Variants in CRLF3 observed in about 807,000 individuals in gnomAD.
CRLF3 encodes cytokine receptor-like factor 3.
CRLF3 carries 33 observed loss-of-function variants against 55.0 expected under a neutral mutation model. That is an observed-to-expected ratio of 0.60 (90% CI 0.46 to 0.80). The LOEUF (loss-of-function observed/expected upper bound fraction) is 0.80. Among genes scored for constraint, CRLF3 ranks in the 30% least tolerant of loss-of-function variants. CRLF3 has a pLI of 0.00. For synonymous variants in CRLF3, 238 were observed against 196.8 expected, an observed-to-expected ratio of 1.21 and a Z score of -1.75; for missense variants, 494 against 538.4, an observed-to-expected ratio of 0.92 and a Z score of 0.82.
chr17:30,810,752 C>G (rs1904588195), intron 1 of CRLF3, among the ~76,000 whole-genome samples: 1 of 152,114 alleles, frequency 6.6e-6, no homozygotes. Context: ...TCACAACCCT[C>G]CAAAACAACA....
At chr17:30,792,380 A>G (rs533239298) in intron 6 of CRLF3, 60 bp downstream of exon 6, 122 of 1,486,190 alleles carry the variant, frequency 8.2e-5, no homozygotes, top group Non-Finnish European at 1.1e-4. Flanking sequence ...AAGCTTATGT[A>G]TGCTCTATGC....
At chr17:30,799,629 C>T (rs1321776196) in intron 2 of CRLF3, among the ~76,000 whole-genome samples, 2 of 151,826 alleles carry the variant, frequency 1.3e-5, no homozygotes, top group Non-Finnish European at 1.5e-5. Flanking sequence ...CTCAGCCTCC[C>T]GAGTAGCTAG....
intron 1 of CRLF3, among the ~76,000 whole-genome samples, chr17:30,807,171 C>A (rs968960567): frequency 7.2e-5 from 11 of 152,068 alleles, no homozygotes; most frequent in African/African-American, 2.7e-4. Flanking sequence ...ACATACTTTG[C>A]TTTCTAGATA....
chr17:30,785,793 A>G (rs1301753169), intron 7 of CRLF3, 126 bp downstream of exon 7: 16 of 581,774 alleles, frequency 2.8e-5, no homozygotes, highest in East Asian at 1.2e-4. Flanking sequence ...AAAAAAAAAA[A>G]AAAGAAAAAG....
chr17:30,792,903 TC>T (rs1971839014), intron 5 of CRLF3: 1 of 155,886 alleles, frequency 6.4e-6, no homozygotes, highest in Non-Finnish European at 1.4e-5. Context: ...ACGCCTGTAA[TC>T]CCAGCACTTT....
At chr17:30,821,455 AC>A (rs1904996789) in intron 1 of CRLF3, among the ~76,000 whole-genome samples, 1 of 152,222 alleles carries the variant, frequency 6.6e-6, no homozygotes. Flanking sequence ...ACAACTGAAA[AC>A]ATGTCCACAC....
chr17:30,788,387 C>A (rs888497351), intron 6 of CRLF3, among the ~76,000 whole-genome samples: 1 of 144,908 alleles, frequency 6.9e-6, no homozygotes, highest in Non-Finnish European at 1.5e-5. Flanking sequence ...ATCAGAAAAT[C>A]TTAGAAGCAA....
Position 30,784,652 on chromosome 17 carries a change from A to C in CRLF3, c.1073-209T>G, listed in dbSNP as rs998904024. 5 of 460,352 alleles carry C rather than the reference A, an allele frequency of 1.1e-5. No individual in the cohort carries two copies. The East Asian group carries it at 1.7e-4, about 15-fold the overall frequency. 28.5% of individuals were successfully genotyped at this position (460,352 alleles called of 1,614,324 possible). ...TTCCCATATCAGTGTCATCAAAAGA[A>C]ACTTGACAGTGTTACAAAATTACCT... is the stretch of plus-strand genomic sequence containing the variant. On this transcript the variant is annotated intron_variant, in intron 7 of 7. Coordinates refer to ENST00000324238, the MANE Select transcript of CRLF3 (RefSeq NM_015986.4).
intron 1 of CRLF3, among the ~76,000 whole-genome samples, 164 bp from the exon 2 acceptor site, chr17:30,804,272 A>C (rs1972052002): frequency 6.6e-6 from 1 of 151,984 alleles, no homozygotes; most frequent in Non-Finnish European, 1.5e-5. Flanking sequence ...TGATACACAT[A>C]TACATAGTGA....
At chr17:30,786,630 C>A (rs948336112) in intron 6 of CRLF3, 1 of 152,174 alleles carries the variant, frequency 6.6e-6, no homozygotes, top group Non-Finnish European at 1.5e-5. Context: ...AACCTGATCC[C>A]GACTACCTGG....
chr17:30,790,005 CCTCT>C (rs780879066), intron 6 of CRLF3, among the ~76,000 whole-genome samples: 25 of 148,072 alleles, frequency 1.7e-4, no homozygotes, highest in African/African-American at 4.2e-4. Context: ...TTTTTTTTTT[CCTCT>C]CTCTCTCTTT....
At chr17:30,820,702 G>C (rs1048586642) in intron 1 of CRLF3, among the ~76,000 whole-genome samples, 1 of 151,644 alleles carries the variant, frequency 6.6e-6, no homozygotes, top group Admixed American at 6.6e-5. Flanking sequence ...TGAGGCAGGA[G>C]AATCTCTTGA....
Position 30,824,607 on chromosome 17 carries a change from C to T in CRLF3, c.45G>A (p.Glu15=). The T allele has an allele frequency of 1.9e-6, 3 of 1,605,724 alleles. No individual in the cohort carries two copies. Among genetic ancestry groups the T allele is most frequent in the Non-Finnish European group, 2.5e-6 (3 of 1,179,230 alleles). Residue 15 remains glutamate, a synonymous_variant, in exon 1 of 8, where the codon GAG becomes GAA. Transcript: ENST00000324238. Reference sequence around the variant, plus strand: ...GCGCTGCCTCCACGTTCTCGCGGGCCTCCTGCAACAGCAGCTCAGGCTCCA... The same window carrying T: ...GCGCTGCCTCCACGTTCTCGCGGGCTTCCTGCAACAGCAGCTCAGGCTCCA... ...MELEPELLLQ[E]ARENVEAAQS...
chr17:30,784,366 T>A lies in CRLF3; in HGVS notation c.1150A>T (p.Ile384Phe), dbSNP rs1272348742. The change falls in exon 8 of 8, where the codon ATT becomes TTT. Residue 384 changes from isoleucine (I) to phenylalanine (F), a missense_variant. Transcript: ENST00000324238. ...VTSGSTVTFDIEAVTLGTTSN... is the reference protein window; with the variant it reads ...VTSGSTVTFDFEAVTLGTTSN... ...GTGGTTCCTAGAGTCACGGCTTCAA[T>A]GTCAAACGTGACAGTGGACCCAGAA... is the stretch of plus-strand genomic sequence containing the variant. The A allele has an allele frequency of 6.2e-7, 1 of 1,613,978 alleles. No homozygotes were observed. The highest frequency in any genetic ancestry group is 8.5e-7 in the Non-Finnish European group (1 of 1,179,928).
chr17:30,793,116 G>T (rs573102167), intron 5 of CRLF3, among the ~76,000 whole-genome samples: 1 of 151,506 alleles, frequency 6.6e-6, no homozygotes, highest in Non-Finnish European at 1.5e-5. Flanking sequence ...CAGCCTGGGC[G>T]ACAGAGTGAG....
intron 6 of CRLF3, 188 bp downstream of exon 6, chr17:30,792,252 T>G: frequency 2.0e-6 from 1 of 506,694 alleles, no homozygotes; most frequent in Non-Finnish European, 3.6e-6. Flanking sequence ...TCCCAGTTAA[T>G]CTACGTAATA....
intron 1 of CRLF3, among the ~76,000 whole-genome samples, chr17:30,815,687 G>A (rs2142272373): frequency 6.8e-6 from 1 of 147,498 alleles, no homozygotes; most frequent in African/African-American, 2.5e-5. Flanking sequence ...GGCATTACAG[G>A]CGCACCACCA....
chr17:30,806,437 A>G (rs946432987), intron 1 of CRLF3, among the ~76,000 whole-genome samples: 1 of 152,136 alleles, frequency 6.6e-6, no homozygotes, highest in African/African-American at 2.4e-5. Context: ...TCCCAGACCT[A>G]CTGAACCAGA....
chr17:30,819,356 T>G (rs1904917115), intron 1 of CRLF3, among the ~76,000 whole-genome samples: 1 of 152,180 alleles, frequency 6.6e-6, no homozygotes, highest in Non-Finnish European at 1.5e-5. Context: ...AGATGAAGTT[T>G]TTGGACTTAC....
Sources: gnomAD v4.1 joint callset for allele counts (sites outside exome capture counted in the v4.1 genomes callset) on GRCh38, gnomAD v4.1.1 for gene constraint, MANE v1.5 for transcripts, NCBI Gene and HGNC (gene_info 2026-07-23, HGNC 2026-07-21) for gene names.